SEH1L: variants seen among roughly 807,000 people sequenced by gnomAD.
The protein encoded by SEH1L is nucleoporin SEH1.
SEH1L carries 18 observed loss-of-function variants against 49.5 expected under a neutral mutation model. The ratio of observed to expected loss-of-function variants is 0.36; its 90% CI spans 0.25 to 0.54. The LOEUF (loss-of-function observed/expected upper bound fraction) is 0.54. Ranked by LOEUF, SEH1L falls within the 20% of genes least tolerant of loss-of-function variation. SEH1L has a pLI of 0.87. For synonymous variants in SEH1L, 169 were observed against 178.1 expected (o/e 0.95, Z 0.41); for missense variants, 404 against 528.8 (o/e 0.76, Z 2.31).
intron 2 of SEH1L, among the ~76,000 whole-genome samples, chr18:12,953,230 A>C (rs1410433442): frequency 2.4e-4 from 36 of 152,138 alleles, no homozygotes; most frequent in Non-Finnish European, 1.0e-4. Context: ...AGTCCGTTGT[A>C]TGTATATTGC....
At chr18:12,970,595 A>AT (rs199816145) in intron 4 of SEH1L, among the ~76,000 whole-genome samples, 1,588 of 149,800 alleles carry the variant, frequency 0.011, 13 homozygotes, top group Non-Finnish European at 0.015. Context: ...AATTAAACAA[A>AT]TTTTTTTTTT....
At position 12,987,222 on chromosome 18, in the gene SEH1L, C is replaced by G; in HGVS notation, c.*165C>G. On this transcript the variant is annotated 3_prime_UTR_variant, in exon 9 of 9. Transcript: ENST00000399892. ...TGTTTGGAACCTAAATCTGTTTGTG[C>G]GTCTGCATCAAAGGAACATTTGCTT... 2.2e-6 allele frequency: 1 copy of G among 463,080 alleles called. No individual in the cohort carries two copies. Among genetic ancestry groups the G allele is most frequent in the Admixed American group, 3.9e-5 (1 of 25,536 alleles). 28.7% of individuals were successfully genotyped at this position (463,080 alleles called of 1,614,324 possible).
At chr18:12,955,799 TAGG>T (rs971065883) in intron 3 of SEH1L, among the ~76,000 whole-genome samples, 190 bp downstream of exon 3, 12 of 152,292 alleles carry the variant, frequency 7.9e-5, no homozygotes, top group African/African-American at 2.9e-4. Context: ...AAGCAATACT[TAGG>T]AGCATCACTG....
chr18:12,982,157 C>T (rs987692361), intron 6 of SEH1L, among the ~76,000 whole-genome samples: 2 of 152,202 alleles, frequency 1.3e-5, no homozygotes, highest in African/African-American at 4.8e-5. Context: ...TGAGCAACTG[C>T]ACCTGGCCTT....
chr18:12,953,656 TC>T (rs565875010), intron 2 of SEH1L, among the ~76,000 whole-genome samples: 159 of 150,630 alleles, frequency 1.1e-3, no homozygotes, highest in Non-Finnish European at 1.8e-3. Flanking sequence ...CTATCCAAGG[TC>T]CCCCCCCCTT....
chr18:12,985,926 A>C (rs1488460097), intron 8 of SEH1L: 1 of 935,272 alleles, frequency 1.1e-6, no homozygotes, highest in Non-Finnish European at 1.3e-6. Flanking sequence ...ATTTGGGACT[A>C]AGATGGAAAC....
At chr18:12,981,335 T>TG (rs1568230372) in intron 6 of SEH1L, among the ~76,000 whole-genome samples, 2 of 152,048 alleles carry the variant, frequency 1.3e-5, no homozygotes, top group African/African-American at 2.4e-5. Context: ...CTCGGCACTT[T>TG]GGGGGGCCAA....
chr18:12,986,523 G>A, intron 8 of SEH1L: 1 of 974,912 alleles, frequency 1.0e-6, no homozygotes, highest in Non-Finnish European at 1.2e-6. Flanking sequence ...AATAGCATCA[G>A]ATGTTTCTGA....
chr18:12,948,019 C>A lies in SEH1L; in HGVS notation c.-103C>A. ...GGTGCGGGGGCGTGGGCAGCACAAG[C>A]CGTGCGCTCCCGGGCTGCGAGGTCT... On this transcript the variant is annotated 5_prime_UTR_variant, in exon 1 of 9. Coordinates refer to ENST00000399892, the MANE Select transcript of SEH1L (RefSeq NM_001013437.2). 2 of 769,448 alleles carry A rather than the reference C, an allele frequency of 2.6e-6. No individual in the cohort carries two copies. Among genetic ancestry groups the A allele is most frequent in the Non-Finnish European group, 4.2e-6 (2 of 476,682 alleles). The allele number at this position is 769,448 out of a possible 1,614,324, so 47.7% of individuals were successfully genotyped here.
chr18:12,962,845 A>G (rs964442163), intron 3 of SEH1L, among the ~76,000 whole-genome samples: 1 of 148,492 alleles, frequency 6.7e-6, no homozygotes, highest in Non-Finnish European at 1.5e-5. Context: ...AAATTCTAAC[A>G]TTTTCTTTTT....
chr18:12,972,697 A>G (rs1353331412), intron 5 of SEH1L: 1 of 152,258 alleles, frequency 6.6e-6, no homozygotes, highest in African/African-American at 2.4e-5. Flanking sequence ...TGGTGTCTGC[A>G]GAGAGGCTCA....
rs1467685892 is a variant in SEH1L at position 12,981,849 on chromosome 18, C to CTTTTTTT, written c.762-669_762-668insTTTTTTT. ...ATTCTTTCCTACTTGCTGCCCTGCC[C>CTTTTTTT]ATTTTTTTTTTTTTTTTTTTTTTTT... On this transcript the variant is annotated intron_variant, in intron 6 of 8. Coordinates refer to ENST00000399892, the MANE Select transcript of SEH1L (RefSeq NM_001013437.2). Among the ~76,000 whole-genome samples, 213 of 102,438 alleles carry CTTTTTTT rather than the reference C, an allele frequency of 2.1e-3. 37 individuals carry two copies. Among genetic ancestry groups the CTTTTTTT allele is most frequent in the Admixed American group, 4.0e-3 (38 of 9,564 alleles). 67.2% of individuals were successfully genotyped at this position (102,438 alleles called of 152,430 possible).
chr18:12,975,269 G>C (rs2031871733), intron 5 of SEH1L, among the ~76,000 whole-genome samples: 2 of 152,124 alleles, frequency 1.3e-5, no homozygotes, highest in Non-Finnish European at 2.9e-5. Context: ...TGGGATTACA[G>C]GCGTGAGCCA....
At chr18:12,986,441 T>C (rs3602) in intron 8 of SEH1L, 103,673 of 985,926 alleles carry the variant, frequency 0.11, 5,831 homozygotes, top group East Asian at 0.23. Flanking sequence ...CTAAAAAAAA[T>C]GTGTGCTTGC....
intron 4 of SEH1L, among the ~76,000 whole-genome samples, chr18:12,965,009 CTTTTTTTTTTTT>C (rs138934038): frequency 6.1e-5 from 5 of 82,628 alleles, no homozygotes; most frequent in East Asian, 4.2e-4. Context: ...TTTCCTCATT[CTTTTTTTTTTTT>C]TTTTTTTTTT....
intron 8 of SEH1L, chr18:12,985,477 C>G: frequency 4.0e-6 from 5 of 1,265,724 alleles, no homozygotes; most frequent in Non-Finnish European, 3.0e-6. Flanking sequence ...GAAATATAAA[C>G]GGAGAGGCTT....
chr18:12,980,232 C>T (rs1388749691), intron 6 of SEH1L, among the ~76,000 whole-genome samples: 4 of 140,750 alleles, frequency 2.8e-5, no homozygotes, highest in South Asian at 2.3e-4. Context: ...ACCTCCCTCC[C>T]GGACGGGGCG....
intron 1 of SEH1L, chr18:12,948,489 C>T (rs1351109870): frequency 6.1e-6 from 2 of 327,690 alleles, no homozygotes. Context: ...GTACGCCGGG[C>T]CCTCTCCCAG....
In SEH1L at chr18:12,964,981, C is replaced by T. The variant is rs185448081; in HGVS notation, c.521+1610C>T. On this transcript the variant is annotated intron_variant, in intron 4 of 8. Transcript: ENST00000399892. The stretch of plus-strand genomic sequence containing the variant: ...GAGGGAATTAGTTTATTGCTTCCCC[C>T]TCACATTGCCCCTTCCATTTCCTCA... Among the ~76,000 whole-genome samples, 187 of 149,746 alleles carry T rather than the reference C, an allele frequency of 1.2e-3. 1 individual carries two copies. The Middle Eastern group carries it at 0.018, about 14-fold the overall frequency.
Sources: gnomAD v4.1 joint callset for allele counts (sites outside exome capture counted in the v4.1 genomes callset) on GRCh38, gnomAD v4.1.1 for gene constraint, MANE v1.5 for transcripts, NCBI Gene and HGNC (gene_info 2026-07-23, HGNC 2026-07-21) for gene names.